LRRC4C: variants seen among roughly 807,000 people sequenced by gnomAD.
LRRC4C encodes leucine-rich repeat-containing protein 4C.
LRRC4C carries 5 observed loss-of-function variants against 33.6 expected under a neutral mutation model. The ratio of observed to expected loss-of-function variants is 0.15; its 90% CI spans 0.08 to 0.31. The LOEUF (loss-of-function observed/expected upper bound fraction) is 0.31, where lower values mean the gene tolerates loss of function less well. Ranked by LOEUF, LRRC4C falls within the 10% of genes least tolerant of loss-of-function variation. The pLI is 1.00. For synonymous variants in LRRC4C, 329 were observed against 302.0 expected (o/e 1.09, Z -0.93); for missense variants, 560 against 796.7 (o/e 0.70, Z 3.58).
intron 3 of LRRC4C, among the ~76,000 whole-genome samples, chr11:40,374,554 A>G (rs983046865): frequency 6.6e-5 from 10 of 152,184 alleles, no homozygotes; most frequent in Non-Finnish European, 5.9e-5. Flanking sequence ...AAAACAAAAC[A>G]AAGATTTGGG....
At chr11:40,998,125 A>G (rs1854111569) in intron 1 of LRRC4C, among the ~76,000 whole-genome samples, 1 of 152,086 alleles carries the variant, frequency 6.6e-6, no homozygotes, top group Non-Finnish European at 1.5e-5. Flanking sequence ...GTTTCAATAA[A>G]TTCTAAATTT....
intron 5 of LRRC4C, among the ~76,000 whole-genome samples, chr11:40,184,228 A>T (rs565706618): frequency 2.6e-5 from 4 of 152,318 alleles, no homozygotes; most frequent in African/African-American, 9.6e-5. Context: ...TATGTAGAGT[A>T]TTCAAATTGG....
chr11:40,668,828 T>C (rs1943943175), intron 2 of LRRC4C, among the ~76,000 whole-genome samples: 1 of 152,196 alleles, frequency 6.6e-6, no homozygotes, highest in African/African-American at 2.4e-5. Context: ...GCCAAGGTAC[T>C]GTGGAGAAAG....
chr11:41,412,646 T>C (rs1390760608), intron 1 of LRRC4C, among the ~76,000 whole-genome samples: 1 of 152,210 alleles, frequency 6.6e-6, no homozygotes, highest in Admixed American at 6.5e-5. Flanking sequence ...ACCTGTATCA[T>C]TAAACAACCC....
At chr11:41,451,923 T>C (rs892943623) in intron 1 of LRRC4C, among the ~76,000 whole-genome samples, 3 of 152,036 alleles carry the variant, frequency 2.0e-5, no homozygotes, top group East Asian at 1.9e-4. Flanking sequence ...GCTGTCACTA[T>C]GCATGGTGGA....
chr11:40,788,789 A>C (rs1278885603), intron 2 of LRRC4C, among the ~76,000 whole-genome samples: 2 of 152,054 alleles, frequency 1.3e-5, no homozygotes, highest in Non-Finnish European at 2.9e-5. Context: ...GGGGACTAAA[A>C]TTTCTGTAAA....
chr11:41,152,637 C>A (rs1047048207), intron 1 of LRRC4C, among the ~76,000 whole-genome samples: 1 of 152,074 alleles, frequency 6.6e-6, no homozygotes, highest in African/African-American at 2.4e-5. Flanking sequence ...CATTTATGTC[C>A]CTAAATATCT....
chr11:41,203,336 T>C (rs1946474535), intron 1 of LRRC4C, among the ~76,000 whole-genome samples: 2 of 152,204 alleles, frequency 1.3e-5, no homozygotes, highest in Admixed American at 1.3e-4. Context: ...TCATCCAAGA[T>C]GCTGAGGAGA....
intron 2 of LRRC4C, among the ~76,000 whole-genome samples, chr11:40,762,708 C>G (rs1011608422): frequency 5.3e-5 from 8 of 152,084 alleles, no homozygotes; most frequent in African/African-American, 1.9e-4. Flanking sequence ...AGTTGACTTG[C>G]TTGAGTAGTC....
At chr11:41,295,351 A>G (rs1300325403) in intron 1 of LRRC4C, among the ~76,000 whole-genome samples, 1 of 152,164 alleles carries the variant, frequency 6.6e-6, no homozygotes, top group Non-Finnish European at 1.5e-5. Context: ...ATATGCGGTA[A>G]AAAAAAGCAG....
At chr11:41,021,156 TGAGAGAGAGAGAGAGAGAGA>T (rs71060991) in intron 1 of LRRC4C, among the ~76,000 whole-genome samples, 11,622 of 127,168 alleles carry the variant, frequency 0.091, 658 homozygotes, top group South Asian at 0.19. Context: ...ATCGTGCATC[TGAGAGAGAGAGAGAGAGAGA>T]GAGAGAGAGA....
intron 5 of LRRC4C, among the ~76,000 whole-genome samples, chr11:40,193,338 T>C (rs1862001129): frequency 6.6e-6 from 1 of 151,804 alleles, no homozygotes; most frequent in Non-Finnish European, 1.5e-5. Flanking sequence ...TCCAGCAAAC[T>C]CCAACAGACC....
rs1166295897 is a variant in LRRC4C, at chr11:40,325,229, C to T, written c.-269-5508G>A. On this transcript the variant is annotated intron_variant, in intron 3 of 6. Coordinates refer to ENST00000528697, the MANE Select transcript of LRRC4C (RefSeq NM_001258419.2). ...AACAGTGCAAAATTTCTGAAGTGAT[C>T]TTAATGTTAAAATGTGTTCAACTTA... Among the ~76,000 whole-genome samples the T allele has an allele frequency of 3.3e-5, 5 of 152,122 alleles. No homozygotes were observed. The East Asian group carries it at 9.6e-4, about 29-fold the overall frequency.
intron 3 of LRRC4C, among the ~76,000 whole-genome samples, chr11:40,324,639 T>C (rs1029013753): frequency 6.6e-6 from 1 of 152,226 alleles, no homozygotes; most frequent in Non-Finnish European, 1.5e-5. Context: ...GCTCTCAAGA[T>C]ATCTATATTT....
At chr11:40,176,328 T>C (rs1048777863) in intron 5 of LRRC4C, among the ~76,000 whole-genome samples, 4 of 152,154 alleles carry the variant, frequency 2.6e-5, no homozygotes, top group Admixed American at 6.5e-5. Flanking sequence ...TGTAAGCTTA[T>C]TGAGTGCAGG....
At chr11:40,247,073 A>G (rs937788481) in intron 4 of LRRC4C, among the ~76,000 whole-genome samples, 3 of 151,544 alleles carry the variant, frequency 2.0e-5, no homozygotes, top group African/African-American at 4.8e-5. Flanking sequence ...CTTGCTTTCA[A>G]TCTTACCCAC....
intron 2 of LRRC4C, among the ~76,000 whole-genome samples, chr11:40,683,002 A>T (rs1944772960): frequency 6.6e-6 from 1 of 152,206 alleles, no homozygotes. Flanking sequence ...AAGATAGAAG[A>T]TGGCTGGATG....
intron 6 of LRRC4C, among the ~76,000 whole-genome samples, chr11:40,128,572 C>T (rs10837346): frequency 0.21 from 31,229 of 151,836 alleles, 3,167 homozygotes; most frequent in East Asian, 0.24. Flanking sequence ...GTTGAAACAC[C>T]CCTATTAGCT....
At chr11:40,209,611 C>T (rs754278935) in intron 5 of LRRC4C, among the ~76,000 whole-genome samples, 12 of 152,042 alleles carry the variant, frequency 7.9e-5, no homozygotes, top group Non-Finnish European at 1.8e-4. Context: ...GGTGCGATCT[C>T]GGCTCACGGC....
Sources: gnomAD v4.1 joint callset for allele counts (sites outside exome capture counted in the v4.1 genomes callset) on GRCh38, gnomAD v4.1.1 for gene constraint, MANE v1.5 for transcripts, NCBI Gene and HGNC (gene_info 2026-07-23, HGNC 2026-07-21) for gene names.